CFAP46: variants seen among roughly 807,000 people sequenced by gnomAD.
The protein encoded by CFAP46 is cilia- and flagella-associated protein 46.
Under a neutral mutation model 325.7 loss-of-function variants are expected in CFAP46, and 245 were observed. The observed-to-expected ratio is 0.75, with a 90% CI of 0.68 to 0.84. The LOEUF (loss-of-function observed/expected upper bound fraction) is 0.84. Among genes scored for constraint, CFAP46 ranks in the 40% least tolerant of loss-of-function variants. The pLI is 0.00. For synonymous variants in CFAP46, 1,523 were observed against 1,495.9 expected, an observed-to-expected ratio of 1.02 and a Z score of -0.42; for missense variants, 3,346 against 3,543.0, an observed-to-expected ratio of 0.94 and a Z score of 1.41.
In CFAP46 at chr10:132,941,786, A is replaced by G. The variant is rs546943953; in HGVS notation, c.175-64T>C. 193 of 1,603,502 alleles carry G rather than the reference A, an allele frequency of 1.2e-4. 1 individual carries two copies. The East Asian group carries it at 3.7e-3, about 31-fold the overall frequency. On this transcript the variant is annotated intron_variant, in intron 2 of 57. Transcript: ENST00000368586. ...AGGGGTGGCCTCCCTGCCCAGAAGC[A>G]CCACGGGCCCGCTTTCAGAACAGGC...
intron 39 of CFAP46, 71 bp downstream of exon 39, chr10:132,857,519 G>GT: frequency 6.8e-7 from 1 of 1,476,962 alleles, no homozygotes; most frequent in South Asian, 1.2e-5. Flanking sequence ...GGCTTGTAAG[G>GT]TAAGTTACAG....
At chr10:132,932,183 C>T (rs1474481539) in intron 8 of CFAP46, among the ~76,000 whole-genome samples, 1 of 144,814 alleles carries the variant, frequency 6.9e-6, no homozygotes, top group Non-Finnish European at 1.5e-5. Context: ...CACACAGAGC[C>T]TAGGCCTCCT....
chr10:132,833,794 G>A (rs1438440236), intron 49 of CFAP46, among the ~76,000 whole-genome samples: 1 of 152,224 alleles, frequency 6.6e-6, no homozygotes, highest in African/African-American at 2.4e-5. Context: ...GGCTGTGCTG[G>A]GTTCCGTGGT....
chr10:132,905,291 T>A (rs1241822757), intron 22 of CFAP46, among the ~76,000 whole-genome samples: 1 of 152,118 alleles, frequency 6.6e-6, no homozygotes, highest in Non-Finnish European at 1.5e-5. Flanking sequence ...ACTGTCCCCA[T>A]CCGTCCTATG....
intron 38 of CFAP46, 124 bp from the exon 39 acceptor site, chr10:132,857,912 CAT>C (rs1197825816): frequency 1.2e-5 from 10 of 809,474 alleles, no homozygotes; most frequent in African/African-American, 8.7e-5. Flanking sequence ...AAATAGCTAA[CAT>C]GTAAAGACAT....
chr10:132,847,201 C>T lies in CFAP46; in HGVS notation c.6073G>A (p.Gly2025Ser), dbSNP rs574001323. The change falls in exon 42 of 58, where the codon GGC becomes AGC. Residue 2025 changes from glycine (G) to serine (S), a missense_variant. Transcript: ENST00000368586. This position sits in a 1 kb window ranked among gnomAD's most constrained non-coding sequence, Gnocchi z 5.2. The stretch of plus-strand genomic sequence containing the variant: ...GGCAGCCGCACCTTCAGGTCCTCGC[C>T]TCTCCTGCAGTGCTCCTCCGGGGCT... ...RAAPEEHCRR[G>S]EDLKRRMVLA... 2.1e-4 allele frequency: 338 copies of T among 1,612,422 alleles called. 2 individuals carry two copies. In the East Asian group the frequency reaches 7.3e-3, roughly 35 times the overall value.
rs1380276358 is a variant in CFAP46, at chr10:132,922,507, C to T, written c.1458G>A (p.Glu486=). The T allele has an allele frequency of 1.9e-6, 3 of 1,544,740 alleles. No individual in the cohort carries two copies. Among genetic ancestry groups the T allele is most frequent in the South Asian group, 2.4e-5 (2 of 83,940 alleles). ...GCTCAACGGCCATGATGGCCTTGTC[C>T]TCTGCGCGCTCAGGGGCCTGGTATA... The part of the protein sequence containing the change: ...TTLYQAPERA[E]DKAIMAVEQA... Residue 486 remains glutamate, a synonymous_variant, in exon 12 of 58, where the codon GAG becomes GAA. Transcript: ENST00000368586.
intron 56 of CFAP46, 109 bp downstream of exon 56, chr10:132,810,841 G>A (rs761498699): frequency 2.5e-5 from 25 of 1,018,964 alleles, no homozygotes; most frequent in African/African-American, 6.3e-5. Flanking sequence ...AGCTCTCACC[G>A]TTCTTGAAAC....
At chr10:132,823,865 T>C (rs1218882410) in intron 50 of CFAP46, among the ~76,000 whole-genome samples, 1 of 145,328 alleles carries the variant, frequency 6.9e-6, no homozygotes, top group Non-Finnish European at 1.5e-5. Flanking sequence ...ATGTGTGCTG[T>C]CTGTGCGCTG....
At chr10:132,833,731 T>C (rs1848190261) in intron 49 of CFAP46, among the ~76,000 whole-genome samples, 1 of 152,200 alleles carries the variant, frequency 6.6e-6, no homozygotes. Context: ...CGATTCTTTT[T>C]GTTAGCAAGC....
chr10:132,828,059 C>T lies in CFAP46; in HGVS notation c.7117+5299G>A, dbSNP rs574702568. Among the ~76,000 whole-genome samples, 9 of 152,240 alleles carry T rather than the reference C, an allele frequency of 5.9e-5. No individual in the cohort carries two copies. The highest frequency in any genetic ancestry group is 1.5e-5 in the Non-Finnish European group (1 of 68,042). ...GCCGGGCAGGACCCCACCACGTGGC[C>T]GCACCCCAATGTGCTCATCGCCCAC... is the stretch of plus-strand genomic sequence containing the variant. On this transcript the variant is annotated intron_variant, in intron 50 of 57. Transcript: ENST00000368586. The surrounding 1 kb of genome is among the most constrained non-coding windows in gnomAD (Gnocchi z 4.9).
Position 132,847,844 on chromosome 10 carries a change from A to G in CFAP46, c.5953-523T>C, listed in dbSNP as rs770365467. Among the ~76,000 whole-genome samples, 1 of 152,168 alleles carries G rather than the reference A, an allele frequency of 6.6e-6. No homozygotes were observed. The highest frequency in any genetic ancestry group is 2.4e-5 in the African/African-American group (1 of 41,444). On this transcript the variant is annotated intron_variant, in intron 41 of 57. Transcript: ENST00000368586. The surrounding 1 kb of genome is among the most constrained non-coding windows in gnomAD (Gnocchi z 5.2). ...CACAAGGTATCGCAGCACCAAATCTATATATGCACCCAATGATCAGGCGTC... is the reference window on the plus strand; with the variant it reads ...CACAAGGTATCGCAGCACCAAATCTGTATATGCACCCAATGATCAGGCGTC...
rs1157062876 is a variant in CFAP46 at position 132,922,655 on chromosome 10, T to C, written c.1310A>G (p.Glu437Gly). 2 of 1,549,962 alleles carry C rather than the reference T, an allele frequency of 1.3e-6. No individual in the cohort carries two copies. Among genetic ancestry groups the C allele is most frequent in the East Asian group, 4.9e-5 (2 of 40,906 alleles). ...GGCGGGCTCCAGCCGGTCCTCGTCC[T>C]CCTCGATCTGCGCCATCTCCATGTG... Reference protein sequence around the residue: ...QVHMEMAQIEEDEDRLEPATE... With the variant: ...QVHMEMAQIEGDEDRLEPATE... Residue 437 changes from glutamate to glycine, a missense_variant, in exon 12 of 58, where the codon GAG (glutamate) becomes GGG (glycine). Coordinates refer to ENST00000368586, the MANE Select transcript of CFAP46 (RefSeq NM_001200049.3).
rs1362178261 is a variant in CFAP46, at chr10:132,877,359, T to G, written c.4213-398A>C. Reference sequence around the variant, plus strand: ...GGGTCCAGGTGTGAGCGTCCTGCTCTGGGGAGCTGGGCAGCCAAGTGGTTT... The same window carrying G: ...GGGTCCAGGTGTGAGCGTCCTGCTCGGGGGAGCTGGGCAGCCAAGTGGTTT... On this transcript the variant is annotated intron_variant, in intron 30 of 57. Transcript: ENST00000368586. This position sits in a 1 kb window ranked among gnomAD's most constrained non-coding sequence, Gnocchi z 5.7. 6.6e-6 allele frequency among the ~76,000 whole-genome samples: 1 copy of G among 152,042 alleles called. No individual in the cohort carries two copies. Among genetic ancestry groups the G allele is most frequent in the Admixed American group, 6.5e-5 (1 of 15,272 alleles).
Position 132,857,723 on chromosome 10 carries a change from A to G in CFAP46, c.5441T>C (p.Leu1814Pro). The G allele has an allele frequency of 4.3e-6, 7 of 1,610,488 alleles. No individual in the cohort carries two copies. The highest frequency in any genetic ancestry group is 5.9e-6 in the Non-Finnish European group (7 of 1,178,500). ...TTCCTCAGCTACGGCACCCTGGGCC[A>G]GGCCATACGCTTCCAAGTAATACGC... ...KTAYYLEAYG[L>P]AQGAVAEEEG... Residue 1814 changes from leucine (L) to proline (P), a missense_variant, in exon 39 of 58, where the codon CTG (leucine) becomes CCG (proline). Leu to Pro is a moderately conservative substitution (Grantham distance 98). Transcript: ENST00000368586.
chr10:132,891,459 A>G (rs1381447302), intron 25 of CFAP46, among the ~76,000 whole-genome samples: 1 of 152,206 alleles, frequency 6.6e-6, no homozygotes, highest in African/African-American at 2.4e-5. Context: ...GTAAGACACC[A>G]AGTTCCAGCC....
chr10:132,814,457 G>T, intron 53 of CFAP46, 120 bp downstream of exon 53: 2 of 1,287,018 alleles, frequency 1.6e-6, no homozygotes, highest in South Asian at 1.3e-5. Flanking sequence ...AATGGGGCAA[G>T]CACATATGCA....
chr10:132,867,268 G>GAC (rs929172203), intron 34 of CFAP46, 107 bp downstream of exon 34: 1 of 1,370,274 alleles, frequency 7.3e-7, no homozygotes, highest in African/African-American at 1.5e-5. Context: ...CTCACACACT[G>GAC]ACACACACAC....
At chr10:132,908,393 G>T in intron 22 of CFAP46, 75 bp downstream of exon 22, 1 of 1,509,836 alleles carries the variant, frequency 6.6e-7, no homozygotes. Context: ...CCTGCTCCCT[G>T]ATCTGTGATT....
Sources: gnomAD v4.1 joint callset for allele counts (sites outside exome capture counted in the v4.1 genomes callset) on GRCh38, gnomAD v4.1.1 for gene constraint, Gnocchi (gnomAD v3.1) non-coding constraint, MANE v1.5 for transcripts, NCBI Gene and HGNC (gene_info 2026-07-23, HGNC 2026-07-21) for gene names.